The following EXOC6 variants were observed in gnomAD, a reference collection of about 807,000 sequenced individuals.
EXOC6 encodes SEC15-like 1.
Under a neutral mutation model 112.5 loss-of-function variants are expected in EXOC6, and 60 were observed. That is an observed-to-expected ratio of 0.53 (90% CI 0.43 to 0.66). The LOEUF (loss-of-function observed/expected upper bound fraction) is 0.66, where lower values mean the gene tolerates loss of function less well. Among genes scored for constraint, EXOC6 ranks in the 30% least tolerant of loss-of-function variants. The pLI is 0.00. For missense variants in EXOC6, 855 were observed against 957.1 expected, an observed-to-expected ratio of 0.89 and a Z score of 1.41; for synonymous variants, 295 against 308.0, an observed-to-expected ratio of 0.96 and a Z score of 0.44.
intron 1 of EXOC6, among the ~76,000 whole-genome samples, chr10:92,839,256 G>A (rs772993689): frequency 5.9e-5 from 9 of 152,092 alleles, no homozygotes; most frequent in Non-Finnish European, 1.3e-4. Flanking sequence ...GATTTTCACT[G>A]TAGCCTCTCC....
chr10:93,013,273 C>T (rs926380813), intron 19 of EXOC6, among the ~76,000 whole-genome samples: 1 of 152,020 alleles, frequency 6.6e-6, no homozygotes, highest in Non-Finnish European at 1.5e-5. Flanking sequence ...TAAAAATTCT[C>T]GTTGAGATTT....
chr10:93,012,069 C>T (rs1364305499), intron 19 of EXOC6, among the ~76,000 whole-genome samples: 1 of 152,144 alleles, frequency 6.6e-6, no homozygotes, highest in East Asian at 1.9e-4. Context: ...AGTGGTGCAT[C>T]TCTGAGTAAC....
chr10:92,920,652 C>T (rs1851380414), intron 8 of EXOC6, among the ~76,000 whole-genome samples: 1 of 152,120 alleles, frequency 6.6e-6, no homozygotes, highest in Admixed American at 6.5e-5. Context: ...CCTTGTTGGT[C>T]TTCTGCCTAT....
At chr10:92,850,158 G>C (rs1478022417) in intron 1 of EXOC6, among the ~76,000 whole-genome samples, 6 of 152,182 alleles carry the variant, frequency 3.9e-5, no homozygotes, top group African/African-American at 1.4e-4. Flanking sequence ...AAATAGTACT[G>C]GTTATGAAGG....
At chr10:92,949,909 T>C (rs1444828468) in intron 14 of EXOC6, among the ~76,000 whole-genome samples, 2 of 152,156 alleles carry the variant, frequency 1.3e-5, no homozygotes, top group African/African-American at 4.8e-5. Context: ...TGTGGCTTAT[T>C]ATAGGCAAAT....
intron 20 of EXOC6, among the ~76,000 whole-genome samples, chr10:93,033,462 T>A (rs1295762598): frequency 1.3e-5 from 2 of 152,212 alleles, no homozygotes; most frequent in Non-Finnish European, 2.9e-5. Context: ...TTATTCTGTA[T>A]TTTGGAGACA....
At chr10:92,948,491 G>T in intron 14 of EXOC6, 112 bp downstream of exon 14, 1 of 633,852 alleles carries the variant, frequency 1.6e-6, no homozygotes, top group Non-Finnish European at 2.6e-6. Context: ...GTTTCTTGAG[G>T]GGCAACTTTT....
At chr10:93,040,422 T>G (rs1193930617) in intron 20 of EXOC6, among the ~76,000 whole-genome samples, 1 of 152,134 alleles carries the variant, frequency 6.6e-6, no homozygotes, top group African/African-American at 2.4e-5. Flanking sequence ...TAATTTTTTG[T>G]ATTTTTAGTA....
chr10:92,919,072 CTG>C (rs1051966023), intron 7 of EXOC6, among the ~76,000 whole-genome samples: 6 of 152,072 alleles, frequency 3.9e-5, no homozygotes, highest in Admixed American at 6.6e-5. Flanking sequence ...CAGAGGACCT[CTG>C]TATTATTTTC....
At chr10:92,949,609 T>TTTTTTA (rs1853274327) in intron 14 of EXOC6, among the ~76,000 whole-genome samples, 1 of 150,778 alleles carries the variant, frequency 6.6e-6, no homozygotes, top group Admixed American at 6.6e-5. Flanking sequence ...TTTTTTTTTT[T>TTTTTTA]GAGACGGAGT....
chr10:93,017,348 T>C (rs1249007925), intron 20 of EXOC6, among the ~76,000 whole-genome samples: 2 of 151,748 alleles, frequency 1.3e-5, no homozygotes, highest in East Asian at 2.0e-4. Flanking sequence ...CCCAGCACTT[T>C]GGAAGGCTGA....
At chr10:92,895,562 A>G (rs554247949) in intron 4 of EXOC6, among the ~76,000 whole-genome samples, 15 of 152,298 alleles carry the variant, frequency 9.8e-5, no homozygotes, top group East Asian at 9.6e-4. Flanking sequence ...TTAGGGCTAA[A>G]TATTACTTGG....
rs568575391 is a variant in EXOC6, at chr10:92,976,414, T to C, written c.1953+2182T>C. The stretch of plus-strand genomic sequence containing the variant: ...TGTGCTGTGTCCACTCAGGGTTGAA[T>C]GGATTAAGGGCGGTGCAAGATGTGC... On this transcript the variant is annotated intron_variant, in intron 18 of 21. Coordinates refer to ENST00000260762, the MANE Select transcript of EXOC6 (RefSeq NM_019053.6). Among the ~76,000 whole-genome samples the C allele has an allele frequency of 2.8e-3, 420 of 152,184 alleles. 2 individuals carry two copies. The highest frequency in any genetic ancestry group is 4.5e-3 in the Non-Finnish European group (304 of 67,978).
intron 18 of EXOC6, 129 bp downstream of exon 18, chr10:92,974,361 C>T: frequency 1.9e-6 from 1 of 525,766 alleles, no homozygotes; most frequent in Non-Finnish European, 3.2e-6. Context: ...TATTATAAAT[C>T]CATTTGTAAG....
intron 18 of EXOC6, among the ~76,000 whole-genome samples, chr10:92,984,491 A>G (rs1293472380): frequency 6.6e-6 from 1 of 151,512 alleles, no homozygotes; most frequent in Non-Finnish European, 1.5e-5. Context: ...TGTGGTAGGA[A>G]CTGTTTCTTG....
intron 1 of EXOC6, among the ~76,000 whole-genome samples, chr10:92,890,474 TAGGGAACAAAAC>T (rs1849442482): frequency 6.6e-6 from 1 of 152,118 alleles, no homozygotes; most frequent in African/African-American, 2.4e-5. Flanking sequence ...GGGGATGCAA[TAGGGAACAAAAC>T]AGTCAAAAAC....
chr10:92,986,641 AAT>A (rs1180477535), intron 18 of EXOC6, among the ~76,000 whole-genome samples: 2 of 151,770 alleles, frequency 1.3e-5, no homozygotes, highest in East Asian at 1.9e-4. Flanking sequence ...GACCTAATAT[AAT>A]AAAGTTAAAT....
chr10:92,842,057 G>T (rs1412965750), intron 1 of EXOC6, among the ~76,000 whole-genome samples: 5 of 116,780 alleles, frequency 4.3e-5, no homozygotes, highest in African/African-American at 1.7e-4. Context: ...GTGTTAATAA[G>T]TGCTATGAAG....
intron 4 of EXOC6, among the ~76,000 whole-genome samples, chr10:92,896,586 T>TATA (rs1322740719): frequency 1.3e-5 from 1 of 78,622 alleles, no homozygotes; most frequent in African/African-American, 5.8e-5. Flanking sequence ...AAAATTGTAG[T>TATA]ATTATTATTA....
Sources: allele counts gnomAD v4.1 joint callset (sites outside exome capture counted in the v4.1 genomes callset), GRCh38; gene constraint gnomAD v4.1.1; transcripts MANE v1.5; gene names NCBI Gene and HGNC (gene_info 2026-07-23, HGNC 2026-07-21).